The following NEK7 variants were observed in gnomAD, a reference collection of about 807,000 sequenced individuals.
The protein encoded by NEK7 is NIMA related kinase 7, also known as serine/threonine-protein kinase Nek7.
A neutral mutation model predicts 44.6 loss-of-function variants in NEK7; 18 were observed. The ratio of observed to expected loss-of-function variants is 0.40; its 90% CI spans 0.28 to 0.60. The LOEUF (loss-of-function observed/expected upper bound fraction) is 0.60. Among genes scored for constraint, NEK7 ranks in the 20% least tolerant of loss-of-function variants. The pLI is 0.38. For synonymous variants in NEK7, 130 were observed against 121.1 expected, an observed-to-expected ratio of 1.07 and a Z score of -0.48; for missense variants, 256 against 366.5, an observed-to-expected ratio of 0.70 and a Z score of 2.46.
chr1:198,299,569 GTTAAT>G (rs1654820010), intron 9 of NEK7, among the ~76,000 whole-genome samples: 1 of 152,102 alleles, frequency 6.6e-6, no homozygotes, highest in Non-Finnish European at 1.5e-5. Context: ...AGTTTATTTT[GTTAAT>G]TTTATAGCTA....
chr1:198,243,316 T>C (rs556549066), intron 2 of NEK7, among the ~76,000 whole-genome samples: 1 of 152,360 alleles, frequency 6.6e-6, no homozygotes, highest in East Asian at 1.9e-4. Flanking sequence ...ATTTGTTTAT[T>C]GCCTGTTTAG....
chr1:198,231,299 G>GTATATATATATATATATATATATATATA (rs1375044919), intron 1 of NEK7, among the ~76,000 whole-genome samples: 1 of 98,270 alleles, frequency 1.0e-5, no homozygotes, highest in African/African-American at 4.3e-5. Flanking sequence ...GTATGTGTGT[G>GTATATATATATATATATATATATATATA]TGTATATATA....
At position 198,179,815 on chromosome 1, in the gene NEK7, ATGTATGTG is replaced by A. The variant is rs1482624689; in HGVS notation, c.-29+22543_-29+22550del. On this transcript the variant is annotated intron_variant, in intron 1 of 9. Coordinates refer to ENST00000367385, the MANE Select transcript of NEK7 (RefSeq NM_133494.3). ...TACACAGGAGTGTGTGTGTGTGTGT[ATGTATGTG>A]TGTGTGTGTGTATGTGTGCAGACAC... Among the ~76,000 whole-genome samples the A allele has an allele frequency of 5.4e-5, 7 of 128,456 alleles. No individual in the cohort carries two copies. In the East Asian group the frequency reaches 1.6e-3, roughly 30 times the overall value. 84.3% of individuals were successfully genotyped at this position (128,456 alleles called of 152,430 possible).
At chr1:198,312,819 T>G (rs1276588023) in intron 9 of NEK7, among the ~76,000 whole-genome samples, 1 of 152,070 alleles carries the variant, frequency 6.6e-6, no homozygotes, top group Admixed American at 6.5e-5. Context: ...TGTTATAATT[T>G]CTGTTCTTTT....
intron 1 of NEK7, among the ~76,000 whole-genome samples, chr1:198,186,999 A>T (rs940810741): frequency 2.6e-5 from 4 of 152,204 alleles, no homozygotes; most frequent in Non-Finnish European, 4.4e-5. Flanking sequence ...GTTATGCATT[A>T]TGACTTGTAC....
intron 2 of NEK7, among the ~76,000 whole-genome samples, chr1:198,233,809 A>C (rs933768646): frequency 1.7e-4 from 26 of 149,382 alleles, no homozygotes; most frequent in African/African-American, 2.5e-4. Flanking sequence ...TTAGAGAATA[A>C]CCGTCTACAA....
intron 9 of NEK7, among the ~76,000 whole-genome samples, chr1:198,317,808 T>C (rs1655412145): frequency 6.6e-6 from 1 of 151,784 alleles, no homozygotes; most frequent in Middle Eastern, 3.4e-3. Context: ...ACATTATCTT[T>C]TAAATTATGT....
At chr1:198,317,376 C>G (rs910898364) in intron 9 of NEK7, among the ~76,000 whole-genome samples, 3 of 152,186 alleles carry the variant, frequency 2.0e-5, no homozygotes, top group African/African-American at 7.2e-5. Context: ...ACTGGCACTC[C>G]CACTACCTAT....
chr1:198,198,230 A>T (rs773834343), intron 1 of NEK7: 1 of 630,224 alleles, frequency 1.6e-6, no homozygotes, highest in Non-Finnish European at 2.9e-6. Flanking sequence ...CCTGGGCTTG[A>T]TGCATTCTCC....
rs1323008208 is a variant in NEK7, at chr1:198,206,662, AC to A, written c.-28-25890del. Among the ~76,000 whole-genome samples the A allele has an allele frequency of 2.0e-5, 3 of 152,124 alleles. No individual in the cohort carries two copies. In the East Asian group the frequency reaches 5.8e-4, roughly 29 times the overall value. On this transcript the variant is annotated intron_variant, in intron 1 of 9. Transcript: ENST00000367385. ...TAGAGAATATGTCTGAAATACGGCA[AC>A]AGCTCCAAAAAGATTTAAAAAAAAA...
chr1:198,272,816 T>C (rs181144188), intron 5 of NEK7, among the ~76,000 whole-genome samples: 7 of 151,970 alleles, frequency 4.6e-5, no homozygotes, highest in Admixed American at 3.3e-4. Context: ...CTTTTAGTTT[T>C]TTAATATTCT....
chr1:198,236,341 T>A (rs1666544300), intron 2 of NEK7, among the ~76,000 whole-genome samples: 1 of 152,068 alleles, frequency 6.6e-6, no homozygotes, highest in South Asian at 2.1e-4. Context: ...TTCATTCTCC[T>A]AGTAACAGTT....
chr1:198,196,061 G>A (rs1665227548), intron 1 of NEK7, among the ~76,000 whole-genome samples: 1 of 152,098 alleles, frequency 6.6e-6, no homozygotes, highest in Admixed American at 6.5e-5. Context: ...TTAAGATAAA[G>A]TTAATAATTT....
intron 1 of NEK7, among the ~76,000 whole-genome samples, chr1:198,222,690 G>T (rs564600624): frequency 9.2e-5 from 14 of 152,036 alleles, no homozygotes; most frequent in Non-Finnish European, 2.1e-4. Context: ...TTCATTCAGC[G>T]ATGTTTATCG....
At chr1:198,223,076 C>A (rs947530245) in intron 1 of NEK7, among the ~76,000 whole-genome samples, 1 of 152,050 alleles carries the variant, frequency 6.6e-6, no homozygotes, top group African/African-American at 2.4e-5. Flanking sequence ...AGAGACTGGG[C>A]TGGAAATGTG....
At chr1:198,298,175 C>T (rs540002532) in intron 9 of NEK7, among the ~76,000 whole-genome samples, 1 of 152,050 alleles carries the variant, frequency 6.6e-6, no homozygotes, top group African/African-American at 2.4e-5. Context: ...GATTTTTTGC[C>T]TCAGGAAAAT....
chr1:198,301,790 C>T (rs1051383531), intron 9 of NEK7, among the ~76,000 whole-genome samples: 13 of 152,210 alleles, frequency 8.5e-5, no homozygotes, highest in African/African-American at 1.4e-4. Context: ...ATTGGAAAGA[C>T]GGTTAAAATG....
intron 1 of NEK7, among the ~76,000 whole-genome samples, chr1:198,224,273 C>G (rs1267307131): frequency 6.6e-6 from 1 of 150,846 alleles, no homozygotes; most frequent in Non-Finnish European, 1.5e-5. Context: ...AATGCATTAC[C>G]TTTTCCATGT....
At chr1:198,211,289 A>G (rs2102818662) in intron 1 of NEK7, among the ~76,000 whole-genome samples, 1 of 152,350 alleles carries the variant, frequency 6.6e-6, no homozygotes, top group African/African-American at 2.4e-5. Context: ...GTCAGGAAAC[A>G]GATTCCAGAA....
Sources: allele counts gnomAD v4.1 joint callset (sites outside exome capture counted in the v4.1 genomes callset), GRCh38; gene constraint gnomAD v4.1.1; transcripts MANE v1.5; gene names NCBI Gene and HGNC (gene_info 2026-07-23, HGNC 2026-07-21).